The following RASGRP3 variants were observed in gnomAD, a reference collection of about 807,000 sequenced individuals.
RASGRP3 encodes RAS guanyl releasing protein 3, also known as ras guanyl-releasing protein 3.
A neutral mutation model predicts 82.7 loss-of-function variants in RASGRP3; 54 were observed. That is an observed-to-expected ratio of 0.65 (90% CI 0.52 to 0.82). The LOEUF (loss-of-function observed/expected upper bound fraction) is 0.82. RASGRP3 is among the 40% of genes least tolerant of loss of function. The pLI is 0.00. For synonymous variants in RASGRP3, 309 were observed against 300.5 expected, an observed-to-expected ratio of 1.03 and a Z score of -0.29; for missense variants, 861 against 828.9, an observed-to-expected ratio of 1.04 and a Z score of -0.48.
In RASGRP3 at chr2:33,492,677, A is replaced by G. The variant is rs543046267; in HGVS notation, c.-261+15970A>G. ...AGGTGGCCATCTGCAAGCCAGAAAG[A>G]GAGTCCTCACAGGGACTTCTCAGCC... On this transcript the variant is annotated intron_variant, in intron 1 of 17. Coordinates refer to ENST00000403687, the MANE Select transcript of RASGRP3 (RefSeq NM_001139488.2). 1.4e-4 allele frequency among the ~76,000 whole-genome samples: 21 copies of G among 152,318 alleles called. No homozygotes were observed. The South Asian group carries it at 4.4e-3, about 32-fold the overall frequency.
intron 1 of RASGRP3, among the ~76,000 whole-genome samples, chr2:33,494,805 A>G (rs1669167849): frequency 6.6e-6 from 1 of 152,228 alleles, no homozygotes; most frequent in South Asian, 2.1e-4. Context: ...AACTTTTTCT[A>G]TTAATATAAA....
chr2:33,494,736 A>G lies in RASGRP3; in HGVS notation c.-260-16974A>G, dbSNP rs539110106. Among the ~76,000 whole-genome samples the G allele has an allele frequency of 4.8e-3, 733 of 152,354 alleles. 3 individuals carry two copies. Among genetic ancestry groups the G allele is most frequent in the Non-Finnish European group, 8.0e-3 (547 of 68,022 alleles). ...TTACAAAGTAAAGTATTGAGGGGGC[A>G]TTGGCACCCAGTCCCATGCTCTTTA... On this transcript the variant is annotated intron_variant, in intron 1 of 17. Coordinates refer to ENST00000403687, the MANE Select transcript of RASGRP3 (RefSeq NM_001139488.2).
intron 12 of RASGRP3, among the ~76,000 whole-genome samples, chr2:33,542,705 CAG>C (rs1446692416): frequency 3.4e-5 from 5 of 145,642 alleles, no homozygotes; most frequent in African/African-American, 9.8e-5. Flanking sequence ...TTTATTGAGA[CAG>C]AGTTTTGCTA....
intron 13 of RASGRP3, 35 bp downstream of exon 13, chr2:33,543,662 AT>A: frequency 7.3e-7 from 1 of 1,376,224 alleles, no homozygotes; most frequent in Non-Finnish European, 1.0e-6. Context: ...TAATGCAACT[AT>A]CCTAAAGCAG....
intron 11 of RASGRP3, among the ~76,000 whole-genome samples, chr2:33,534,785 C>T (rs978577173): frequency 2.7e-5 from 4 of 150,816 alleles, no homozygotes; most frequent in Non-Finnish European, 4.4e-5. Flanking sequence ...CTTCATGATC[C>T]GCTTGCCGTG....
intron 14 of RASGRP3, among the ~76,000 whole-genome samples, chr2:33,553,449 A>C (rs1262902912): frequency 6.6e-6 from 1 of 152,220 alleles, no homozygotes; most frequent in African/African-American, 2.4e-5. Flanking sequence ...AATGTTAACT[A>C]TCATCATTAT....
intron 1 of RASGRP3, among the ~76,000 whole-genome samples, chr2:33,445,065 T>G (rs1034628799): frequency 1.3e-5 from 2 of 152,262 alleles, no homozygotes; most frequent in African/African-American, 4.8e-5. Context: ...CTGATGTCTT[T>G]TCTGCATTTT....
At chr2:33,483,785 G>A (rs901686178) in intron 1 of RASGRP3, among the ~76,000 whole-genome samples, 4 of 152,026 alleles carry the variant, frequency 2.6e-5, no homozygotes, top group Non-Finnish European at 4.4e-5. Flanking sequence ...CACTGCGCCC[G>A]GCCTAGTCAC....
At chr2:33,516,672 T>G (rs747065671) in intron 4 of RASGRP3, 28 bp downstream of exon 4, 2 of 1,407,468 alleles carry the variant, frequency 1.4e-6, no homozygotes, top group African/African-American at 1.4e-5. Flanking sequence ...GTGTAATTTT[T>G]ACAATCATAA....
chr2:33,516,476 C>T, intron 3 of RASGRP3, 66 bp from the exon 4 acceptor site: 1 of 1,088,258 alleles, frequency 9.2e-7, no homozygotes, highest in South Asian at 1.4e-5. Flanking sequence ...TGCGTCTCTA[C>T]TGATGTTAGA....
chr2:33,436,565 G>A (rs1252482697), exon 1 of RASGRP3: 1 of 152,152 alleles, frequency 6.6e-6, no homozygotes, highest in Non-Finnish European at 1.5e-5. Flanking sequence ...TCACTATAGG[G>A]ATCAACATTA....
intron 1 of RASGRP3, among the ~76,000 whole-genome samples, chr2:33,487,473 TAAA>T (rs1238115965): frequency 2.0e-5 from 3 of 152,196 alleles, no homozygotes; most frequent in Admixed American, 6.5e-5. Flanking sequence ...AGGAGGGAGT[TAAA>T]GAAGTTTTGG....
At chr2:33,494,164 T>TA (rs1388074974) in intron 1 of RASGRP3, among the ~76,000 whole-genome samples, 8 of 152,124 alleles carry the variant, frequency 5.3e-5, no homozygotes, top group Non-Finnish European at 1.2e-4. Context: ...GGCAACTAAG[T>TA]AAAAAAATCC....
chr2:33,454,601 G>T (rs1398681889), intron 2 of RASGRP3, among the ~76,000 whole-genome samples: 1 of 152,176 alleles, frequency 6.6e-6, no homozygotes, highest in Non-Finnish European at 1.5e-5. Context: ...CCATTAAGAA[G>T]AGATCAAAGG....
At chr2:33,545,396 G>A (rs923201051) in intron 13 of RASGRP3, among the ~76,000 whole-genome samples, 3 of 152,204 alleles carry the variant, frequency 2.0e-5, no homozygotes, top group Non-Finnish European at 4.4e-5. Flanking sequence ...GTAGTCACAT[G>A]TGAGAAACAC....
At chr2:33,555,985 CA>C (rs367861415) in intron 15 of RASGRP3, among the ~76,000 whole-genome samples, 1 of 152,074 alleles carries the variant, frequency 6.6e-6, no homozygotes, top group East Asian at 1.9e-4. Flanking sequence ...TAGATGGTGA[CA>C]AAAAACGAGG....
intron 15 of RASGRP3, among the ~76,000 whole-genome samples, chr2:33,557,505 C>G (rs564034215): frequency 6.6e-6 from 1 of 151,924 alleles, no homozygotes; most frequent in African/African-American, 2.4e-5. Flanking sequence ...GTCAGGAGAT[C>G]GAGACCATCC....
At chr2:33,465,864 T>C (rs1267948491) in intron 2 of RASGRP3, among the ~76,000 whole-genome samples, 3 of 152,106 alleles carry the variant, frequency 2.0e-5, no homozygotes, top group Non-Finnish European at 4.4e-5. Context: ...GCTAAATCTA[T>C]TTTGCTTTTT....
chr2:33,520,385 G>T (rs558855174), intron 5 of RASGRP3, among the ~76,000 whole-genome samples, 168 bp from the exon 6 acceptor site: 2 of 152,342 alleles, frequency 1.3e-5, no homozygotes, highest in South Asian at 2.1e-4. Context: ...GCAGAGAGAG[G>T]CTCCATGTGA....
Sources: gnomAD v4.1 joint callset for allele counts (sites outside exome capture counted in the v4.1 genomes callset) on GRCh38, gnomAD v4.1.1 for gene constraint, MANE v1.5 for transcripts, NCBI Gene and HGNC (gene_info 2026-07-23, HGNC 2026-07-21) for gene names.